The following PHACTR1 variants were observed in gnomAD, a reference collection of about 807,000 sequenced individuals.
The protein encoded by PHACTR1 is phosphatase and actin regulator 1, also known as RPEL repeat containing 1.
Under a neutral mutation model 69.2 loss-of-function variants are expected in PHACTR1, and 16 were observed. The ratio of observed to expected loss-of-function variants is 0.23; its 90% CI spans 0.16 to 0.35. The LOEUF (loss-of-function observed/expected upper bound fraction) is 0.35, where lower values mean the gene tolerates loss of function less well. Among genes scored for constraint, PHACTR1 ranks in the 10% least tolerant of loss-of-function variants. The pLI, the probability that PHACTR1 is intolerant of heterozygous loss-of-function variation, is 1.00. For synonymous variants in PHACTR1, 312 were observed against 284.5 expected (o/e 1.10, Z -0.97); for missense variants, 510 against 734.7 (o/e 0.69, Z 3.54).
At chr6:12,883,076 C>T (rs993915497) in intron 4 of PHACTR1, among the ~76,000 whole-genome samples, 1 of 152,166 alleles carries the variant, frequency 6.6e-6, no homozygotes, top group Non-Finnish European at 1.5e-5. Context: ...GCATGGTCCC[C>T]ACAGGTAGGC....
At chr6:13,280,900 G>A in intron 12 of PHACTR1, 1 of 1,243,276 alleles carries the variant, frequency 8.0e-7, no homozygotes, top group South Asian at 1.2e-5. Context: ...CGTCTTCTGA[G>A]CCTTTCGTGG....
intron 4 of PHACTR1, among the ~76,000 whole-genome samples, chr6:12,839,070 A>T (rs1413233055): frequency 1.3e-5 from 2 of 152,214 alleles, no homozygotes; most frequent in Non-Finnish European, 2.9e-5. Context: ...TATTATTTCT[A>T]TTTCACAAAT....
At chr6:12,836,437 T>C (rs1778172144) in intron 4 of PHACTR1, among the ~76,000 whole-genome samples, 1 of 151,936 alleles carries the variant, frequency 6.6e-6, no homozygotes, top group Non-Finnish European at 1.5e-5. Context: ...GATTATTCCC[T>C]TGTTGTATCC....
intron 4 of PHACTR1, among the ~76,000 whole-genome samples, chr6:12,829,627 A>C (rs1349231289): frequency 6.6e-6 from 1 of 151,992 alleles, no homozygotes; most frequent in East Asian, 1.9e-4. Flanking sequence ...CTCCAATTTT[A>C]TGAGTGGAGT....
intron 4 of PHACTR1, among the ~76,000 whole-genome samples, chr6:12,866,396 C>T (rs1031925255): frequency 1.1e-4 from 16 of 152,312 alleles, no homozygotes; most frequent in African/African-American, 3.8e-4. Context: ...TCTCCCCACC[C>T]TTCCACCCAC....
chr6:12,759,492 A>G (rs2127608735), intron 4 of PHACTR1, among the ~76,000 whole-genome samples: 1 of 152,234 alleles, frequency 6.6e-6, no homozygotes, highest in South Asian at 2.1e-4. Context: ...GAGTGTGGTA[A>G]ATTTATTCTC....
intron 5 of PHACTR1, among the ~76,000 whole-genome samples, chr6:13,054,700 C>A (rs552303194): frequency 2.9e-4 from 44 of 152,138 alleles, no homozygotes; most frequent in Non-Finnish European, 4.6e-4. Context: ...CCTGCATGAC[C>A]TCATCTAATC....
At chr6:12,856,795 A>C (rs1780418395) in intron 4 of PHACTR1, among the ~76,000 whole-genome samples, 1 of 152,168 alleles carries the variant, frequency 6.6e-6, no homozygotes, top group African/African-American at 2.4e-5. Context: ...GGCCAGTCTA[A>C]ACAAAATGCT....
intron 4 of PHACTR1, chr6:12,957,346 C>T (rs1792017723): frequency 2.9e-5 from 29 of 984,112 alleles, no homozygotes; most frequent in African/African-American, 5.3e-5. Flanking sequence ...AACAGCTGTA[C>T]AGGCTTGCTG....
chr6:13,174,493 G>T (rs777262903), intron 6 of PHACTR1, among the ~76,000 whole-genome samples: 1 of 152,130 alleles, frequency 6.6e-6, no homozygotes, highest in Non-Finnish European at 1.5e-5. Context: ...TAAAATTGTC[G>T]CATGGCACTT....
intron 10 of PHACTR1, among the ~76,000 whole-genome samples, chr6:13,262,966 G>A (rs1776106079): frequency 6.6e-6 from 1 of 152,192 alleles, no homozygotes; most frequent in Non-Finnish European, 1.5e-5. Context: ...ACAATAAGCA[G>A]TTGTAAATGC....
intron 4 of PHACTR1, among the ~76,000 whole-genome samples, chr6:12,962,245 C>T (rs1221901473): frequency 6.6e-6 from 1 of 152,088 alleles, no homozygotes; most frequent in Admixed American, 6.6e-5. Flanking sequence ...TCTATAAAGA[C>T]ACCAGTCATA....
intron 5 of PHACTR1, among the ~76,000 whole-genome samples, chr6:13,133,219 CTCCCCCTCCCCCT>C (rs1561876186): frequency 0.016 from 699 of 42,600 alleles, 20 homozygotes; most frequent in African/African-American, 0.055. Flanking sequence ...CCCCCTCCCC[CTCCCCCTCCCCCT>C]CTCCCTCTCC....
rs73722808 is a variant in PHACTR1, at chr6:12,725,845, A to G, written c.103+6998A>G. 6.5e-3 allele frequency among the ~76,000 whole-genome samples: 987 copies of G among 152,188 alleles called. 15 individuals are homozygous for G. The highest frequency in any genetic ancestry group is 0.023 in the African/African-American group (953 of 41,552). On this transcript the variant is annotated intron_variant, in intron 3 of 14. Coordinates refer to ENST00000332995, the MANE Select transcript of PHACTR1 (RefSeq NM_030948.6). ...ATGTCTCTATTGAACTGATGGGGTG[A>G]GAATGCTTAAATCTACACTATAAAA...
intron 12 of PHACTR1, among the ~76,000 whole-genome samples, chr6:13,282,164 G>T (rs188418293): frequency 6.6e-6 from 1 of 152,354 alleles, no homozygotes; most frequent in East Asian, 1.9e-4. Context: ...TGTTTTACGG[G>T]CCTGAGTTGC....
intron 4 of PHACTR1, among the ~76,000 whole-genome samples, chr6:12,766,710 T>C (rs553422136): frequency 6.6e-6 from 1 of 152,340 alleles, no homozygotes; most frequent in South Asian, 2.1e-4. Context: ...AGACATACTG[T>C]CAGCACTATC....
chr6:13,236,081 A>T (rs555395855), intron 10 of PHACTR1, among the ~76,000 whole-genome samples: 2 of 147,270 alleles, frequency 1.4e-5, no homozygotes, highest in East Asian at 3.9e-4. Context: ...CTCAGGAATG[A>T]ACTATGGGCA....
chr6:13,117,847 T>C (rs1376537133), intron 5 of PHACTR1, among the ~76,000 whole-genome samples: 2 of 152,216 alleles, frequency 1.3e-5, no homozygotes, highest in Admixed American at 6.5e-5. Context: ...TGTGCTTTTA[T>C]CCCACCTAAC....
chr6:12,721,795 C>T (rs1319002035), intron 3 of PHACTR1, among the ~76,000 whole-genome samples: 1 of 152,188 alleles, frequency 6.6e-6, no homozygotes, highest in Non-Finnish European at 1.5e-5. Flanking sequence ...CTGTCCTGGA[C>T]AACCAGCACC....
Sources: gnomAD v4.1 joint callset for allele counts (sites outside exome capture counted in the v4.1 genomes callset) on GRCh38, gnomAD v4.1.1 for gene constraint, MANE v1.5 for transcripts, NCBI Gene and HGNC (gene_info 2026-07-23, HGNC 2026-07-21) for gene names.